Variants in MEMO1 observed in about 807,000 individuals in gnomAD.
MEMO1 encodes protein MEMO1.
Under a neutral mutation model 45.2 loss-of-function variants are expected in MEMO1, and 6 were observed. The observed-to-expected ratio is 0.13, with a 90% CI of 0.07 to 0.26. MEMO1 has a LOEUF of 0.26. MEMO1 is among the 10% of genes least tolerant of loss of function. The pLI, the probability that MEMO1 is intolerant of heterozygous loss-of-function variation, is 1.00. For synonymous variants in MEMO1, 78 were observed against 124.3 expected, an observed-to-expected ratio of 0.63 and a Z score of 2.48; for missense variants, 184 against 370.5, an observed-to-expected ratio of 0.50 and a Z score of 4.13.
chr2:31,943,493 C>T (rs569380643), intron 2 of MEMO1, 110 bp from the exon 3 acceptor site: 58 of 773,048 alleles, frequency 7.5e-5, no homozygotes, highest in Non-Finnish European at 1.2e-4. Context: ...TAGCTTAATG[C>T]GCAATAGGAT....
At chr2:32,004,562 A>C (rs979603781) in intron 2 of MEMO1, among the ~76,000 whole-genome samples, 6 of 152,234 alleles carry the variant, frequency 3.9e-5, no homozygotes, top group African/African-American at 1.4e-4. Flanking sequence ...TGGAGCTCTT[A>C]CACACTGCTG....
At chr2:31,938,269 A>G (rs1446803458) in intron 3 of MEMO1, among the ~76,000 whole-genome samples, 1 of 152,044 alleles carries the variant, frequency 6.6e-6, no homozygotes, top group East Asian at 1.9e-4. Flanking sequence ...ATTTTCACAC[A>G]GCCTAATTAG....
intron 3 of MEMO1, 31 bp from the exon 4 acceptor site, chr2:31,932,166 A>G: frequency 1.3e-6 from 2 of 1,582,080 alleles, no homozygotes; most frequent in Non-Finnish European, 1.7e-6. Context: ...AAACTTAATC[A>G]TCAGATTCAA....
intron 6 of MEMO1, among the ~76,000 whole-genome samples, chr2:31,907,657 G>C (rs991371461): frequency 2.0e-5 from 3 of 152,050 alleles, no homozygotes; most frequent in Non-Finnish European, 4.4e-5. Flanking sequence ...GCCAGGTGTG[G>C]TGTTGTGCAT....
intron 6 of MEMO1, among the ~76,000 whole-genome samples, chr2:31,915,226 G>C: frequency 6.6e-6 from 1 of 152,122 alleles, no homozygotes; most frequent in African/African-American, 2.4e-5. Context: ...TAGATTTTGA[G>C]CCTAGGGTCA....
At chr2:31,871,684 G>T (rs184283225) in intron 8 of MEMO1, among the ~76,000 whole-genome samples, 5 of 152,106 alleles carry the variant, frequency 3.3e-5, no homozygotes, top group African/African-American at 1.2e-4. Flanking sequence ...ACCGACACTT[G>T]GTATATAAGC....
intron 2 of MEMO1, among the ~76,000 whole-genome samples, chr2:31,959,637 G>T (rs1667784276): frequency 6.6e-6 from 1 of 151,896 alleles, no homozygotes; most frequent in African/African-American, 2.4e-5. Flanking sequence ...AGAAAATGGA[G>T]AAAGCAAATG....
At chr2:31,881,181 A>G (rs1675307636) in intron 8 of MEMO1, among the ~76,000 whole-genome samples, 1 of 152,158 alleles carries the variant, frequency 6.6e-6, no homozygotes, top group Admixed American at 6.6e-5. Flanking sequence ...AGAACAACGA[A>G]TTGAAATTCC....
At chr2:31,933,351 T>TATATATATATATATATA (rs869274123) in intron 3 of MEMO1, among the ~76,000 whole-genome samples, 3 of 45,086 alleles carry the variant, frequency 6.7e-5, no homozygotes, top group African/African-American at 1.8e-4. Flanking sequence ...AAAAAAAAAT[T>TATATATATATATATATA]TATATATATA....
At chr2:31,888,853 G>A (rs1676546654) in intron 7 of MEMO1, among the ~76,000 whole-genome samples, 1 of 152,052 alleles carries the variant, frequency 6.6e-6, no homozygotes, top group African/African-American at 2.4e-5. Context: ...CTAGGTTCCT[G>A]TCTCTCCCTT....
chr2:31,967,184 C>T (rs1349362402), intron 2 of MEMO1, among the ~76,000 whole-genome samples: 1 of 150,320 alleles, frequency 6.7e-6, no homozygotes, highest in Non-Finnish European at 1.5e-5. Context: ...AGTGCAGCGG[C>T]GCCATCTCGG....
chr2:31,901,249 T>TGTC (rs1678750185), intron 6 of MEMO1, among the ~76,000 whole-genome samples: 1 of 151,596 alleles, frequency 6.6e-6, no homozygotes, highest in African/African-American at 2.4e-5. Context: ...GGCACACGCT[T>TGTC]GTCGTCCCAG....
intron 2 of MEMO1, among the ~76,000 whole-genome samples, chr2:31,981,814 T>G (rs1006543135): frequency 3.3e-5 from 5 of 152,092 alleles, no homozygotes; most frequent in African/African-American, 1.2e-4. Context: ...CTAAAAGAAA[T>G]TATCTATACA....
At chr2:31,902,803 G>C (rs1472110919) in intron 6 of MEMO1, among the ~76,000 whole-genome samples, 1 of 151,888 alleles carries the variant, frequency 6.6e-6, no homozygotes, top group Non-Finnish European at 1.5e-5. Context: ...CCAGGCTGGA[G>C]TGCATTGGTG....
chr2:31,881,570 C>A lies in MEMO1; in HGVS notation c.657+1816G>T, dbSNP rs555066909. Among the ~76,000 whole-genome samples the A allele has an allele frequency of 3.0e-5, 4 of 134,168 alleles. No homozygotes were observed. The South Asian group carries it at 9.8e-4, about 33-fold the overall frequency. The allele number at this position is 134,168 out of a possible 152,430, so 88.0% of individuals were successfully genotyped here. On this transcript the variant is annotated intron_variant, in intron 8 of 9. Coordinates refer to ENST00000404530, the MANE Select transcript of MEMO1 (RefSeq NM_001301833.4). ...CAAATGGCCCAAAAACAAGACAATA[C>A]ACTAAGAATTTGTAAAAAGAGCAAA... is the stretch of plus-strand genomic sequence containing the variant.
intron 7 of MEMO1, among the ~76,000 whole-genome samples, chr2:31,890,901 C>A (rs1440148532): frequency 6.6e-6 from 1 of 152,162 alleles, no homozygotes; most frequent in Non-Finnish European, 1.5e-5. Flanking sequence ...TAAAATCACT[C>A]CAGTTGAGGC....
chr2:31,994,219 C>T (rs1672295935), intron 2 of MEMO1, among the ~76,000 whole-genome samples: 1 of 151,088 alleles, frequency 6.6e-6, no homozygotes, highest in Admixed American at 6.6e-5. Context: ...CCTCGCCCTC[C>T]CAAAGTACTG....
At chr2:31,981,649 T>C (rs973885610) in intron 2 of MEMO1, among the ~76,000 whole-genome samples, 1 of 152,216 alleles carries the variant, frequency 6.6e-6, no homozygotes, top group Non-Finnish European at 1.5e-5. Flanking sequence ...GGGAAACTCA[T>C]GTATTTTACT....
chr2:31,904,577 G>A (rs746750389), intron 6 of MEMO1, among the ~76,000 whole-genome samples: 2 of 152,198 alleles, frequency 1.3e-5, no homozygotes, highest in Non-Finnish European at 2.9e-5. Flanking sequence ...GTTCACAATA[G>A]GGTTCACACT....
Sources: gnomAD v4.1 joint callset for allele counts (sites outside exome capture counted in the v4.1 genomes callset) on GRCh38, gnomAD v4.1.1 for gene constraint, MANE v1.5 for transcripts, NCBI Gene and HGNC (gene_info 2026-07-23, HGNC 2026-07-21) for gene names.